Variants in ICA1 observed in about 807,000 individuals in gnomAD.
ICA1 encodes the protein 69 kDa islet cell autoantigen.
Under a neutral mutation model 71.0 loss-of-function variants are expected in ICA1, and 40 were observed. That is an observed-to-expected ratio of 0.56 (90% confidence interval 0.44 to 0.73). ICA1 has a LOEUF of 0.73. Among genes scored for constraint, ICA1 ranks in the 30% least tolerant of loss-of-function variants. The pLI is 0.00. For synonymous variants in ICA1, 207 were observed against 209.5 expected, an observed-to-expected ratio of 0.99 and a Z score of 0.10; for missense variants, 578 against 576.5, an observed-to-expected ratio of 1.00 and a Z score of -0.03.
chr7:8,235,701 T>C (rs1039281793), intron 2 of ICA1, among the ~76,000 whole-genome samples: 1 of 152,216 alleles, frequency 6.6e-6, no homozygotes, highest in Non-Finnish European at 1.5e-5. Flanking sequence ...TCTTAGAGAA[T>C]GCACATTAGG....
intron 6 of ICA1, among the ~76,000 whole-genome samples, chr7:8,195,304 GGGCA>G (rs1163406605): frequency 2.0e-5 from 3 of 152,222 alleles, no homozygotes; most frequent in African/African-American, 7.2e-5. Context: ...AGGATGAGGT[GGGCA>G]GATCCCTGGA....
chr7:8,176,894 C>T (rs968279811), intron 6 of ICA1, among the ~76,000 whole-genome samples: 3 of 152,192 alleles, frequency 2.0e-5, no homozygotes, highest in South Asian at 4.1e-4. Context: ...ACATTAAGCA[C>T]TCAACTGGCA....
chr7:8,247,934 C>G lies in ICA1; in HGVS notation c.-79-11929G>C, dbSNP rs575227985. Among the ~76,000 whole-genome samples, 36 of 152,286 alleles carry G rather than the reference C, an allele frequency of 2.4e-4. 1 individual carries two copies. The South Asian group carries it at 4.6e-3, about 19-fold the overall frequency. ...ATACCCACAAAATTTGACCAGTTTT[C>G]AATACCTTGTTCTTTCATACACTAA... On this transcript the variant is annotated intron_variant, in intron 1 of 13. Transcript: ENST00000402384.
chr7:8,143,205 T>C (rs1453623768), intron 9 of ICA1, among the ~76,000 whole-genome samples: 1 of 152,206 alleles, frequency 6.6e-6, no homozygotes, highest in East Asian at 1.9e-4. Context: ...TTCAACCTCC[T>C]TCTCAATGTA....
intron 6 of ICA1, among the ~76,000 whole-genome samples, chr7:8,171,902 T>C (rs940216712): frequency 9.9e-5 from 15 of 152,006 alleles, no homozygotes; most frequent in African/African-American, 3.6e-4. Flanking sequence ...TTTCCAATTA[T>C]TCAGGGGATA....
chr7:8,250,157 C>G (rs1472624245), intron 1 of ICA1, among the ~76,000 whole-genome samples: 1 of 152,094 alleles, frequency 6.6e-6, no homozygotes. Flanking sequence ...TTCTTTTGGG[C>G]AAAGTATGTT....
At chr7:8,168,923 T>C (rs943574499) in intron 6 of ICA1, among the ~76,000 whole-genome samples, 4 of 152,126 alleles carry the variant, frequency 2.6e-5, no homozygotes, top group Non-Finnish European at 5.9e-5. Flanking sequence ...CTATGAATTT[T>C]TGAACAAACG....
In ICA1 at chr7:8,138,861, C is replaced by A. The variant is rs917797466; in HGVS notation, c.1039G>T (p.Asp347Tyr). Reference sequence around the variant, plus strand: ...TTACCACCTTCCTCAGATTTCATGTCTAATAGTTCATCTATGGGTCCTTTA... The same window carrying A: ...TTACCACCTTCCTCAGATTTCATGTATAATAGTTCATCTATGGGTCCTTTA... Reference protein sequence around the residue: ...ACSGPIDELLDMKSEEGACLG... With the variant: ...ACSGPIDELLYMKSEEGACLG... Residue 347 changes from aspartate to tyrosine, a missense_variant, in exon 12 of 14, where the codon GAC becomes TAC. Asp to Tyr is a radical substitution (Grantham distance 160, BLOSUM62 -3). Transcript: ENST00000402384. The A allele has an allele frequency of 6.2e-7, 1 of 1,606,362 alleles. No homozygotes were observed. The highest frequency in any genetic ancestry group is 1.3e-5 in the African/African-American group (1 of 74,702).
rs560176803 is a variant in ICA1 at position 8,123,157 on chromosome 7, C to T, written c.1330+4716G>A. Among the ~76,000 whole-genome samples the T allele has an allele frequency of 3.3e-5, 5 of 152,318 alleles. No homozygotes were observed. The highest frequency in any genetic ancestry group is 1.2e-4 in the African/African-American group (5 of 41,562). On this transcript the variant is annotated intron_variant, in intron 13 of 13. Coordinates refer to ENST00000402384, the MANE Select transcript of ICA1 (RefSeq NM_001136020.3). The surrounding 1 kb of genome is among the most constrained non-coding windows in gnomAD (Gnocchi z 4.1). ...AAATCCCAGCTAAAATTAACTTCAT[C>T]TTCTCATTTTCAGCACAACTTGATT...
At chr7:8,216,596 T>TAAAAAAA (rs1554349683) in intron 6 of ICA1, among the ~76,000 whole-genome samples, 23 of 87,248 alleles carry the variant, frequency 2.6e-4, no homozygotes, top group African/African-American at 1.6e-3. Context: ...AAAAAAAAAT[T>TAAAAAAA]CCACATAAAA....
chr7:8,153,235 C>T (rs1254734270), intron 8 of ICA1, among the ~76,000 whole-genome samples: 1 of 152,186 alleles, frequency 6.6e-6, no homozygotes. Context: ...GGCTTTCCTT[C>T]CAAAAACACT....
At chr7:8,237,920 T>C (rs1322155697) in intron 1 of ICA1, among the ~76,000 whole-genome samples, 1 of 152,100 alleles carries the variant, frequency 6.6e-6, no homozygotes, top group Non-Finnish European at 1.5e-5. Flanking sequence ...CTATTGGGAA[T>C]AATGCTGCAA....
At chr7:8,145,690 T>C (rs17143756) in intron 8 of ICA1, among the ~76,000 whole-genome samples, 12,851 of 149,124 alleles carry the variant, frequency 0.086, 1,558 homozygotes, top group African/African-American at 0.28. Context: ...AAAATGATGA[T>C]GATTTTCATA....
chr7:8,133,167 G>T (rs1158447211), intron 12 of ICA1, among the ~76,000 whole-genome samples: 6 of 152,124 alleles, frequency 3.9e-5, no homozygotes, highest in African/African-American at 1.2e-4. Flanking sequence ...AGCACATTCG[G>T]CCCCCTCACT....
intron 6 of ICA1, among the ~76,000 whole-genome samples, chr7:8,166,884 G>A (rs2128221969): frequency 1.0e-5 from 1 of 97,918 alleles, no homozygotes; most frequent in Middle Eastern, 4.3e-3. Flanking sequence ...TGAAAAGAAT[G>A]CTCAACATCA....
intron 6 of ICA1, among the ~76,000 whole-genome samples, chr7:8,214,678 G>A (rs1794845557): frequency 6.6e-6 from 1 of 152,116 alleles, no homozygotes; most frequent in African/African-American, 2.4e-5. Flanking sequence ...TGCTCTTAAT[G>A]TTGATGTTGA....
At chr7:8,152,787 A>ACCTCTT in intron 8 of ICA1, among the ~76,000 whole-genome samples, 1 of 83,834 alleles carries the variant, frequency 1.2e-5, no homozygotes, top group South Asian at 4.5e-4. Context: ...TATCACCATC[A>ACCTCTT]CCATCACCTC....
At chr7:8,242,440 C>G (rs1462698556) in intron 1 of ICA1, among the ~76,000 whole-genome samples, 2 of 152,166 alleles carry the variant, frequency 1.3e-5, no homozygotes, top group African/African-American at 4.8e-5. Flanking sequence ...ATTTATAGCA[C>G]TAAGTGCCCA....
intron 11 of ICA1, 21 bp from the exon 12 acceptor site, chr7:8,138,902 A>G (rs751843438): frequency 1.9e-6 from 3 of 1,603,686 alleles, no homozygotes; most frequent in Non-Finnish European, 1.7e-6. Context: ...GAGGAAAGAA[A>G]ACAAAATTAT....
Sources: gnomAD v4.1 joint callset for allele counts (sites outside exome capture counted in the v4.1 genomes callset) on GRCh38, gnomAD v4.1.1 for gene constraint, Gnocchi (gnomAD v3.1) non-coding constraint, MANE v1.5 for transcripts, NCBI Gene and HGNC (gene_info 2026-07-23, HGNC 2026-07-21) for gene names.